USP25: variants seen among roughly 807,000 people sequenced by gnomAD.
USP25 encodes ubiquitin carboxyl-terminal hydrolase 25.
A neutral mutation model predicts 158.5 loss-of-function variants in USP25; 85 were observed. The ratio of observed to expected loss-of-function variants is 0.54; its 90% CI spans 0.45 to 0.64. The LOEUF (loss-of-function observed/expected upper bound fraction) is 0.64, where lower values mean the gene tolerates loss of function less well. Among genes scored for constraint, USP25 ranks in the 30% least tolerant of loss-of-function variants. USP25 has a pLI of 0.00. For synonymous variants in USP25, 464 were observed against 460.4 expected (o/e 1.01, Z -0.10); for missense variants, 1,242 against 1,327.3 (o/e 0.94, Z 1.00).
rs1390022515 is a variant in USP25, at chr21:15,877,828, A to G, written c.3042A>G (p.Glu1014=). The G allele has an allele frequency of 6.2e-7, 1 of 1,612,646 alleles. No individual in the cohort carries two copies. Among genetic ancestry groups the G allele is most frequent in the African/African-American group, 1.3e-5 (1 of 74,966 alleles). Residue 1014 remains glutamate (E), a synonymous_variant, in exon 25 of 26, where the codon GAA becomes GAG. Coordinates refer to ENST00000400183, the MANE Select transcript of USP25 (RefSeq NM_001283041.3). ...ATGAGCAAGCCGCAGAACTCTTCGA[A>G]TCTGGAGAGGATCGAGAAGTAAACA... is the stretch of plus-strand genomic sequence containing the variant. ...KLNEQAAELF[E]SGEDREVNNG...
Position 15,826,441 on chromosome 21 carries a change from G to A in USP25, c.1466+76G>A. 6.6e-7 allele frequency: 1 copy of A among 1,521,168 alleles called. No homozygotes were observed. The highest frequency in any genetic ancestry group is 9.0e-7 in the Non-Finnish European group (1 of 1,111,472). The allele number at this position is 1,521,168 out of a possible 1,614,324, so 94.2% of individuals were successfully genotyped here. A position where few individuals can be genotyped will look rare whatever the true frequency, so the allele number is the denominator to read the frequency against. ...AATGTAACTGCTGCCTTTAAAGACA[G>A]TTTCTATAAAATGTATGCTTTGATT... On this transcript the variant is annotated intron_variant, in intron 13 of 25. Transcript: ENST00000400183. The surrounding 1 kb of genome is among the most constrained non-coding windows in gnomAD (Gnocchi z 4.8).
chr21:15,811,134 T>C lies in USP25; in HGVS notation c.858-3T>C, dbSNP rs1352479039. The C allele has an allele frequency of 1.2e-6, 2 of 1,608,028 alleles. No homozygotes were observed. Among genetic ancestry groups the C allele is most frequent in the East Asian group, 2.2e-5 (1 of 44,770 alleles). ...CACATTTATATTTTTTAACATACTT[T>C]AGGGATGAAGAGAAGCCAAAGAACC... On this transcript the variant is annotated splice_polypyrimidine_tract_variant and splice_region_variant and intron_variant, in intron 8 of 25. Transcript: ENST00000400183.
chr21:15,790,209 G>A (rs1270971235), intron 4 of USP25, among the ~76,000 whole-genome samples: 2 of 152,010 alleles, frequency 1.3e-5, no homozygotes, highest in Non-Finnish European at 2.9e-5. Flanking sequence ...AGAGTCTGGG[G>A]TTGCCTGTGG....
intron 4 of USP25, among the ~76,000 whole-genome samples, chr21:15,789,014 G>T (rs933023166): frequency 2.0e-5 from 3 of 152,000 alleles, no homozygotes; most frequent in African/African-American, 7.2e-5. Context: ...TAACTTTCTT[G>T]CCCTTCCAAC....
intron 20 of USP25, among the ~76,000 whole-genome samples, chr21:15,851,885 C>A (rs950135424): frequency 1.3e-5 from 2 of 152,040 alleles, no homozygotes; most frequent in South Asian, 4.1e-4. Context: ...TCTGGGGATT[C>A]CCTTTGCATC....
chr21:15,836,209 G>A lies in USP25; in HGVS notation c.2194+2661G>A, dbSNP rs536808004. Among the ~76,000 whole-genome samples, 9 of 152,168 alleles carry A rather than the reference G, an allele frequency of 5.9e-5. No homozygotes were observed. The South Asian group carries it at 6.2e-4, about 11-fold the overall frequency. On this transcript the variant is annotated intron_variant, in intron 17 of 25. Coordinates refer to ENST00000400183, the MANE Select transcript of USP25 (RefSeq NM_001283041.3). Reference sequence around the variant, plus strand: ...TTTTTCCTCCCTGCAAAATCTTCTCGTTAAAGCTGAAACATAAGACCTCAT... The same window carrying A: ...TTTTTCCTCCCTGCAAAATCTTCTCATTAAAGCTGAAACATAAGACCTCAT...
chr21:15,813,006 ACT>A (rs2036748919), intron 9 of USP25, among the ~76,000 whole-genome samples: 2 of 150,142 alleles, frequency 1.3e-5, no homozygotes, highest in African/African-American at 4.9e-5. Flanking sequence ...AAAACCTAAA[ACT>A]CTCTTTCCCC....
At chr21:15,809,330 T>C (rs1179113031) in intron 8 of USP25, among the ~76,000 whole-genome samples, 1 of 152,102 alleles carries the variant, frequency 6.6e-6, no homozygotes, top group Non-Finnish European at 1.5e-5. Context: ...TTATACTGTG[T>C]CTCTAAGTTT....
intron 1 of USP25, among the ~76,000 whole-genome samples, chr21:15,738,312 A>G (rs2031713877): frequency 6.6e-6 from 1 of 152,186 alleles, no homozygotes. Flanking sequence ...TTTTAGAATG[A>G]TCATACCAAG....
At chr21:15,860,064 C>G (rs1335758784) in intron 20 of USP25, among the ~76,000 whole-genome samples, 2 of 149,866 alleles carry the variant, frequency 1.3e-5, no homozygotes, top group African/African-American at 4.9e-5. Context: ...TATCGGCTCA[C>G]TGCAACCTTT....
chr21:15,750,214 G>GTTTT, intron 1 of USP25, among the ~76,000 whole-genome samples: 1 of 65,632 alleles, frequency 1.5e-5, no homozygotes, highest in East Asian at 4.5e-4. Flanking sequence ...GTGTGTGTAT[G>GTTTT]TTTTTTTTTT....
At chr21:15,859,350 G>A (rs1337738298) in intron 20 of USP25, among the ~76,000 whole-genome samples, 4 of 151,782 alleles carry the variant, frequency 2.6e-5, no homozygotes, top group South Asian at 4.2e-4. Flanking sequence ...CCGCCACCAC[G>A]CCTGGCTAAG....
chr21:15,763,353 T>C (rs1354166070), intron 2 of USP25, among the ~76,000 whole-genome samples: 5 of 152,134 alleles, frequency 3.3e-5, no homozygotes. Flanking sequence ...AGAAAATTAA[T>C]AGAAGTCTGA....
chr21:15,808,885 C>T lies in USP25; in HGVS notation c.857C>T (p.Thr286Met), dbSNP rs138860784. Residue 286 changes from threonine to methionine, a missense_variant and splice_region_variant, in exon 8 of 26, where the codon ACG (threonine) becomes ATG (methionine). By Grantham distance (81) the Thr-to-Met change is moderately conservative (BLOSUM62 -1). This residue lies in a region of USP25 where 627 missense variants were observed against 701.4 expected (regional missense o/e 0.89). Transcript: ENST00000400183. ...DAFQMKAEEE[T>M]DEEKPKNPMV... The stretch of plus-strand genomic sequence containing the variant: ...TTCCAAATGAAAGCTGAAGAGGAGA[C>T]GTAAGTTACCGTGAAGTTTAGCAAT... The T allele has an allele frequency of 4.6e-5, 74 of 1,604,510 alleles. No homozygotes were observed. The highest frequency in any genetic ancestry group is 5.5e-5 in the Non-Finnish European group (65 of 1,176,060).
chr21:15,845,127 A>G (rs565336823), intron 18 of USP25, among the ~76,000 whole-genome samples: 1 of 152,216 alleles, frequency 6.6e-6, no homozygotes, highest in Admixed American at 6.5e-5. Flanking sequence ...CCATGGTTGA[A>G]TTACTAGCTT....
intron 9 of USP25, among the ~76,000 whole-genome samples, chr21:15,817,760 C>T (rs761206094): frequency 6.6e-6 from 1 of 151,310 alleles, no homozygotes; most frequent in Non-Finnish European, 1.5e-5. Flanking sequence ...TTCACTACCA[C>T]GAGAACGGTA....
At chr21:15,781,494 A>G (rs574506025) in intron 4 of USP25, among the ~76,000 whole-genome samples, 85 of 152,304 alleles carry the variant, frequency 5.6e-4, no homozygotes, top group African/African-American at 2.0e-3. Flanking sequence ...ATCGCCAACT[A>G]GAGTTGCTTG....
intron 4 of USP25, among the ~76,000 whole-genome samples, chr21:15,789,244 G>A (rs1457771447): frequency 2.6e-5 from 4 of 152,026 alleles, no homozygotes; most frequent in Non-Finnish European, 4.4e-5. Flanking sequence ...AGCAGAAGAC[G>A]GGCGTAAAGG....
At chr21:15,786,372 A>G (rs1353048194) in intron 4 of USP25, among the ~76,000 whole-genome samples, 2 of 152,196 alleles carry the variant, frequency 1.3e-5, no homozygotes, top group Non-Finnish European at 2.9e-5. Context: ...ACCTAGATGC[A>G]GAAATTCTCA....
Sources: allele counts gnomAD v4.1 joint callset (sites outside exome capture counted in the v4.1 genomes callset), GRCh38; gene constraint gnomAD v4.1.1; regional missense constraint gnomAD v4.1.1; non-coding constraint Gnocchi (gnomAD v3.1); transcripts MANE v1.5; gene names NCBI Gene and HGNC (gene_info 2026-07-23, HGNC 2026-07-21).